BORCS5: variants seen among roughly 807,000 people sequenced by gnomAD.
BORCS5 encodes BLOC-1-related complex subunit 5.
Under a neutral mutation model 22.1 loss-of-function variants are expected in BORCS5, and 17 were observed. The ratio of observed to expected loss-of-function variants is 0.77; its 90% CI spans 0.53 to 1.15. BORCS5 has a LOEUF of 1.15. BORCS5 is among the 50% of genes most tolerant of loss of function. BORCS5 has a pLI of 0.00. For missense variants in BORCS5, 247 were observed against 253.2 expected, an observed-to-expected ratio of 0.98 and a Z score of 0.17; for synonymous variants, 117 against 99.8, an observed-to-expected ratio of 1.17 and a Z score of -1.03.
chr12:12,372,650 G>C (rs1407958159), intron 2 of BORCS5, among the ~76,000 whole-genome samples: 1 of 152,006 alleles, frequency 6.6e-6, no homozygotes, highest in African/African-American at 2.4e-5. Flanking sequence ...TCTTTGCCTA[G>C]TTTAATTTCA....
intron 2 of BORCS5, among the ~76,000 whole-genome samples, chr12:12,381,590 G>A (rs549898515): frequency 6.6e-6 from 1 of 151,488 alleles, no homozygotes; most frequent in African/African-American, 2.4e-5. Context: ...CTTTGGTGTT[G>A]TATCTAAAAA....
rs979735614 is a variant in BORCS5, at chr12:12,386,072, C to T, written c.202+24723C>T. On this transcript the variant is annotated intron_variant, in intron 2 of 3. Coordinates refer to ENST00000314565, the MANE Select transcript of BORCS5 (RefSeq NM_058169.6). ...TTGGAGTGCAGTGGCGCAGTCTTGG[C>T]TCACTGCAACCTCTGCCTCCTGAGT... Among the ~76,000 whole-genome samples the T allele has an allele frequency of 6.0e-5, 9 of 150,578 alleles. No homozygotes were observed. In the East Asian group the frequency reaches 1.4e-3, roughly 23 times the overall value.
intron 2 of BORCS5, among the ~76,000 whole-genome samples, chr12:12,413,826 A>G (rs1288290641): frequency 7.9e-5 from 5 of 63,692 alleles, no homozygotes; most frequent in African/African-American, 3.9e-4. Flanking sequence ...GCGGCTGGCC[A>G]GGCGGGGGGC....
At chr12:12,398,915 T>G (rs1246379630) in intron 2 of BORCS5, among the ~76,000 whole-genome samples, 1 of 152,058 alleles carries the variant, frequency 6.6e-6, no homozygotes, top group African/African-American at 2.4e-5. Flanking sequence ...ATAATAAGAG[T>G]GGGAGAGACG....
intron 2 of BORCS5, among the ~76,000 whole-genome samples, chr12:12,374,897 A>G (rs1336812164): frequency 6.7e-6 from 1 of 149,388 alleles, no homozygotes; most frequent in Non-Finnish European, 1.5e-5. Flanking sequence ...CAGAGGTTGC[A>G]GTGAGCTGAG....
In BORCS5 at chr12:12,427,172, C is replaced by CT. The variant is rs869191667; in HGVS notation, c.203-8431dup. ...TGGTTTTAGACTTTCTCTTTCTTTT[C>CT]TTTTTTTTTTTTTTTTTTTTTTTTT... is the stretch of plus-strand genomic sequence containing the variant. On this transcript the variant is annotated intron_variant, in intron 2 of 3. Transcript: ENST00000314565. Among the ~76,000 whole-genome samples, 834 of 84,414 alleles carry CT rather than the reference C, an allele frequency of 9.9e-3. 7 individuals carry two copies. Among genetic ancestry groups the CT allele is most frequent in the East Asian group, 0.042 (122 of 2,916 alleles). The allele number at this position is 84,414 out of a possible 152,430, so 55.4% of individuals were successfully genotyped here. A position where few individuals can be genotyped will look rare whatever the true frequency, so the allele number is the denominator to read the frequency against.
intron 2 of BORCS5, among the ~76,000 whole-genome samples, chr12:12,400,007 G>A (rs994019929): frequency 6.6e-6 from 1 of 152,196 alleles, no homozygotes; most frequent in African/African-American, 2.4e-5. Context: ...TAAATAAGAT[G>A]TGCAAATAGA....
intron 2 of BORCS5, among the ~76,000 whole-genome samples, chr12:12,424,543 T>G (rs749303650): frequency 9.9e-5 from 15 of 152,146 alleles, no homozygotes; most frequent in Non-Finnish European, 1.6e-4. Flanking sequence ...AGGGACAGTA[T>G]CTGTTGGTTT....
chr12:12,369,035 G>A (rs959709323), intron 2 of BORCS5, among the ~76,000 whole-genome samples: 1 of 152,042 alleles, frequency 6.6e-6, no homozygotes, highest in African/African-American at 2.4e-5. Context: ...TGAAAGAGAG[G>A]TATTCAAATA....
At chr12:12,429,227 A>G (rs771041678) in intron 2 of BORCS5, among the ~76,000 whole-genome samples, 11 of 152,248 alleles carry the variant, frequency 7.2e-5, no homozygotes, top group Admixed American at 1.3e-4. Flanking sequence ...AAATTTGCCC[A>G]GCTTTCTGTC....
chr12:12,458,894 C>G (rs367737351), intron 3 of BORCS5, among the ~76,000 whole-genome samples: 2 of 149,216 alleles, frequency 1.3e-5, no homozygotes, highest in South Asian at 4.6e-4. Context: ...ATTGCTTGAA[C>G]CTGGGAGGTG....
chr12:12,412,516 T>G (rs932120192), intron 2 of BORCS5, among the ~76,000 whole-genome samples: 8 of 152,234 alleles, frequency 5.3e-5, no homozygotes, highest in African/African-American at 1.9e-4. Context: ...CTGATAGTAT[T>G]TTTGTGGAAC....
chr12:12,403,286 C>T (rs976771707), intron 2 of BORCS5, among the ~76,000 whole-genome samples: 2 of 152,186 alleles, frequency 1.3e-5, no homozygotes, highest in Non-Finnish European at 2.9e-5. Context: ...GTCTCCCTGA[C>T]TTAATTGCAT....
chr12:12,374,814 C>T (rs1044844211), intron 2 of BORCS5, among the ~76,000 whole-genome samples: 6 of 151,348 alleles, frequency 4.0e-5, no homozygotes, highest in African/African-American at 1.2e-4. Context: ...AAAAATTAAC[C>T]GGGCGTGGTG....
At chr12:12,454,186 G>A (rs1429847269) in intron 3 of BORCS5, among the ~76,000 whole-genome samples, 1 of 152,096 alleles carries the variant, frequency 6.6e-6, no homozygotes, top group Non-Finnish European at 1.5e-5. Context: ...TACTTCTCTT[G>A]GGAATACATG....
chr12:12,378,971 T>A (rs1863716537), intron 2 of BORCS5, among the ~76,000 whole-genome samples: 1 of 150,932 alleles, frequency 6.6e-6, no homozygotes, highest in African/African-American at 2.4e-5. Context: ...CCCAGGCTGG[T>A]CTTGAATTTC....
At chr12:12,419,764 G>T (rs1051463403) in intron 2 of BORCS5, among the ~76,000 whole-genome samples, 1 of 152,184 alleles carries the variant, frequency 6.6e-6, no homozygotes, top group African/African-American at 2.4e-5. Flanking sequence ...GTATCTCATT[G>T]TGGTTTTGAT....
chr12:12,464,608 G>T (rs1203247086), intron 3 of BORCS5, among the ~76,000 whole-genome samples: 7 of 152,138 alleles, frequency 4.6e-5, no homozygotes, highest in Admixed American at 4.6e-4. Context: ...AAGAAACAAG[G>T]GGTGAGGGGG....
intron 3 of BORCS5, among the ~76,000 whole-genome samples, chr12:12,461,758 G>T (rs1565940241): frequency 6.6e-6 from 1 of 152,168 alleles, no homozygotes; most frequent in Non-Finnish European, 1.5e-5. Flanking sequence ...CATGCCGGCT[G>T]CCTTTCCAGG....
Sources: allele counts gnomAD v4.1 joint callset (sites outside exome capture counted in the v4.1 genomes callset), GRCh38; gene constraint gnomAD v4.1.1; transcripts MANE v1.5; gene names NCBI Gene and HGNC (gene_info 2026-07-23, HGNC 2026-07-21).